The following SCARB2 variants were observed in gnomAD, a reference collection of about 807,000 sequenced individuals.
SCARB2 encodes scavenger receptor class B member 2.
Under a neutral mutation model 58.6 loss-of-function variants are expected in SCARB2, and 29 were observed. The observed-to-expected ratio is 0.49, with a 90% confidence interval of 0.37 to 0.67. The LOEUF (loss-of-function observed/expected upper bound fraction) is 0.67. Among genes scored for constraint, SCARB2 ranks in the 30% least tolerant of loss-of-function variants. The pLI, the probability that SCARB2 is intolerant of heterozygous loss-of-function variation, is 0.00. For synonymous variants in SCARB2, 195 were observed against 210.1 expected (o/e 0.93, Z 0.62); for missense variants, 488 against 578.5 (o/e 0.84, Z 1.60).
chr4:76,163,819 G>A (rs139089966), intron 10 of SCARB2: 2 of 261,428 alleles, frequency 7.7e-6, no homozygotes, highest in East Asian at 2.1e-4. Flanking sequence ...CATTGTAACT[G>A]TTTGTCTTGC....
Position 76,180,949 on chromosome 4 carries a change from C to A in SCARB2, c.423+5G>T. On this transcript the variant is annotated splice_donor_5th_base_variant and intron_variant, in intron 3 of 11. Coordinates refer to ENST00000264896, the MANE Select transcript of SCARB2 (RefSeq NM_005506.4). ...CAACTTAATGGTATTAAAATGCCTA[C>A]TTACCAATACAGGAATATTTAATGT... is the stretch of plus-strand genomic sequence containing the variant. The A allele has an allele frequency of 6.2e-7, 1 of 1,608,602 alleles. No individual in the cohort carries two copies. The highest frequency in any genetic ancestry group is 1.1e-5 in the South Asian group (1 of 90,042).
chr4:76,212,771 G>A (rs746177759), intron 1 of SCARB2, among the ~76,000 whole-genome samples: 1 of 152,154 alleles, frequency 6.6e-6, no homozygotes, highest in Non-Finnish European at 1.5e-5. Flanking sequence ...TTCTTGTAGG[G>A]TATCTAAATG....
chr4:76,175,639 T>C, intron 6 of SCARB2, 152 bp downstream of exon 6: 1 of 905,364 alleles, frequency 1.1e-6, no homozygotes, highest in South Asian at 1.5e-5. Flanking sequence ...ACCAGTACAC[T>C]ATACTGTCTC....
intron 1 of SCARB2, among the ~76,000 whole-genome samples, chr4:76,201,559 C>T (rs142009042): frequency 3.3e-5 from 5 of 152,166 alleles, no homozygotes; most frequent in East Asian, 1.9e-4. Flanking sequence ...GGCAAAATGC[C>T]GCATATTCTA....
At position 76,224,353 on chromosome 4, in the gene SCARB2, C is replaced by G. The variant is rs111673326; in HGVS notation, c.-358+9950G>C. On this transcript the variant is annotated intron_variant, in intron 1 of 11. Coordinates refer to the SCARB2 transcript ENST00000638295. ...TAGTTTTGCAACTTAGAGCCAGGCA[C>G]CTTAGAGTTAGGCTCCTGCCCTCCC... is the stretch of plus-strand genomic sequence containing the variant. Among the ~76,000 whole-genome samples the G allele has an allele frequency of 5.8e-3, 879 of 152,216 alleles. 11 individuals are homozygous for G. Among genetic ancestry groups the G allele is most frequent in the African/African-American group, 0.02 (831 of 41,496 alleles).
At chr4:76,179,284 C>T (rs918774844) in intron 4 of SCARB2, 2 of 513,532 alleles carry the variant, frequency 3.9e-6, no homozygotes, top group Non-Finnish European at 7.0e-6. Context: ...AAAGTCTTAA[C>T]CTCAAATGAT....
At chr4:76,197,785 A>G (rs1296091940) in intron 1 of SCARB2, among the ~76,000 whole-genome samples, 3 of 152,218 alleles carry the variant, frequency 2.0e-5, no homozygotes, top group Non-Finnish European at 2.9e-5. Flanking sequence ...TGTATCAGTT[A>G]TAATTCAGGT....
chr4:76,194,749 T>C (rs149760277), intron 2 of SCARB2: 1 of 152,266 alleles, frequency 6.6e-6, no homozygotes, highest in East Asian at 1.9e-4. Flanking sequence ...GGAAAGATTA[T>C]TGTATGGGAG....
At chr4:76,195,658 T>G (rs373734928) in intron 2 of SCARB2, 49 bp downstream of exon 2, 1 of 1,545,544 alleles carries the variant, frequency 6.5e-7, no homozygotes, top group Non-Finnish European at 8.9e-7. Context: ...TCAGGCCATA[T>G]TGGGGTCACT....
rs1350225536 is a variant in SCARB2, at chr4:76,213,600, G to C, written c.-57C>G. 10 of 1,424,058 alleles carry C rather than the reference G, an allele frequency of 7.0e-6. No individual in the cohort carries two copies. The African/African-American group carries it at 9.9e-5, about 14-fold the overall frequency. 88.2% of individuals were successfully genotyped at this position (1,424,058 alleles called of 1,614,324 possible). The stretch of plus-strand genomic sequence containing the variant: ...GCACCCGCCAGGGATCCAACTGCAA[G>C]GAGGGAGGAGCCGCCGCAGAGGCGT... On this transcript the variant is annotated 5_prime_UTR_variant, in exon 1 of 12. Coordinates refer to ENST00000264896, the MANE Select transcript of SCARB2 (RefSeq NM_005506.4).
At chr4:76,162,927 CT>C (rs536428572) in intron 11 of SCARB2, 354 of 581,126 alleles carry the variant, frequency 6.1e-4, no homozygotes, top group Non-Finnish European at 9.6e-4. Flanking sequence ...GTTATATATT[CT>C]TCCTTTTCTT....
At chr4:76,166,362 C>T (rs1732009698) in intron 9 of SCARB2, 61 bp from the exon 10 acceptor site, 10 of 1,489,220 alleles carry the variant, frequency 6.7e-6, no homozygotes, top group African/African-American at 1.4e-5. Context: ...CACACTTTCC[C>T]GGACAGACAC....
At chr4:76,190,472 G>C (rs1042751015) in intron 2 of SCARB2, among the ~76,000 whole-genome samples, 3 of 152,170 alleles carry the variant, frequency 2.0e-5, no homozygotes, top group African/African-American at 7.2e-5. Context: ...GCAAGGCAGT[G>C]TGTCTGGGGA....
At chr4:76,173,342 T>C (rs1384049039) in intron 7 of SCARB2, 2 of 125,144 alleles carry the variant, frequency 1.6e-5, no homozygotes, top group Non-Finnish European at 3.5e-5. Context: ...TTTTTTTTTT[T>C]GGTGGGGAGG....
rs746854694 is a variant in SCARB2, at chr4:76,179,673, G to A, written c.456C>T (p.Leu152=). 3.1e-6 allele frequency: 5 copies of A among 1,613,920 alleles called. No homozygotes were observed. In the African/African-American group the frequency reaches 5.3e-5, roughly 17 times the overall value. Residue 152 remains leucine, a synonymous_variant, in exon 4 of 12, where the codon CTC becomes CTT. Transcript: ENST00000264896. ...TVIEWSQVHF[L]REIIEAMLKA... ...TCAACATGGCCTCGATGATCTCCCT[G>A]AGGAAGTGCACCTGGGACCACTCTA... is the stretch of plus-strand genomic sequence containing the variant.
At chr4:76,216,930 G>C (rs1170416780), upstream of SCARB2, among the ~76,000 whole-genome samples, 1 of 152,104 alleles carries the variant, frequency 6.6e-6, no homozygotes. Context: ...TCTTATCACC[G>C]AGGCTGGCAT....
intron 7 of SCARB2, chr4:76,173,196 G>A (rs1240183987): frequency 1.3e-5 from 2 of 152,252 alleles, no homozygotes; most frequent in Admixed American, 6.5e-5. Flanking sequence ...GAAAGGAGCA[G>A]AGTAGCTCTG....
At chr4:76,205,596 T>C (rs1445041667) in intron 1 of SCARB2, among the ~76,000 whole-genome samples, 1 of 152,200 alleles carries the variant, frequency 6.6e-6, no homozygotes. Flanking sequence ...GGACTTGTGA[T>C]GAGTGATTAC....
chr4:76,205,500 T>TA (rs1732912038), intron 1 of SCARB2, among the ~76,000 whole-genome samples: 1 of 152,256 alleles, frequency 6.6e-6, no homozygotes, highest in Non-Finnish European at 1.5e-5. Flanking sequence ...TATATCTATA[T>TA]GTATATCTCT....
Sources: allele counts gnomAD v4.1 joint callset (sites outside exome capture counted in the v4.1 genomes callset), GRCh38; gene constraint gnomAD v4.1.1; transcripts MANE v1.5; gene names NCBI Gene and HGNC (gene_info 2026-07-23, HGNC 2026-07-21).